PRKN: variants seen among roughly 807,000 people sequenced by gnomAD.
PRKN encodes E3 ubiquitin-protein ligase parkin.
Under a neutral mutation model 59.5 loss-of-function variants are expected in PRKN, and 56 were observed. That is an observed-to-expected ratio of 0.94 (90% CI 0.76 to 1.18). PRKN has a LOEUF of 1.18. PRKN is among the 50% of genes most tolerant of loss of function. The probability of loss-of-function intolerance (pLI) is 0.00; values close to 1 mark genes in which losing one functional copy is unlikely to be tolerated. For synonymous variants in PRKN, 250 were observed against 222.1 expected (o/e 1.13, Z -1.12); for missense variants, 657 against 596.4 (o/e 1.10, Z -1.06).
chr6:162,375,406 T>A (rs79015798), intron 2 of PRKN, among the ~76,000 whole-genome samples: 1 of 139,218 alleles, frequency 7.2e-6, no homozygotes. Context: ...TCAACTCCTG[T>A]TTTTTTTTTT....
chr6:161,364,411 T>C (rs1045052383), intron 10 of PRKN, among the ~76,000 whole-genome samples: 17 of 122,250 alleles, frequency 1.4e-4, no homozygotes, highest in African/African-American at 5.6e-4. Context: ...TGAGCCGAGA[T>C]CATACCACTA....
intron 6 of PRKN, among the ~76,000 whole-genome samples, chr6:161,889,102 A>C (rs2128231557): frequency 6.6e-6 from 1 of 152,320 alleles, no homozygotes. Context: ...AATTAAAAGA[A>C]ATAAGAGAAC....
intron 1 of PRKN, among the ~76,000 whole-genome samples, chr6:162,459,678 T>C (rs555191328): frequency 6.6e-6 from 1 of 152,198 alleles, no homozygotes; most frequent in African/African-American, 2.4e-5. Context: ...AGAGTTGTTA[T>C]AAGTATGAAA....
At chr6:162,253,056 G>C (rs1290954993) in intron 3 of PRKN, among the ~76,000 whole-genome samples, 1 of 152,328 alleles carries the variant, frequency 6.6e-6, no homozygotes, top group Admixed American at 6.5e-5. Context: ...GTGCTATTCT[G>C]GTGGCCAGGA....
At position 161,722,729 on chromosome 6, in the gene PRKN, T is replaced by C. The variant is rs557615973; in HGVS notation, c.871+63043A>G. ...ATATTTTATAATGAGATAAAAATGG[T>C]GTTTTATTCTTCTTTTAATTTGACA... On this transcript the variant is annotated intron_variant, in intron 7 of 11. Transcript: ENST00000366898. Among the ~76,000 whole-genome samples the C allele has an allele frequency of 1.4e-3, 216 of 151,716 alleles. 2 individuals are homozygous for C. The highest frequency in any genetic ancestry group is 5.1e-3 in the African/African-American group (212 of 41,512).
At chr6:161,857,808 T>C (rs1484307285) in intron 6 of PRKN, among the ~76,000 whole-genome samples, 1 of 152,228 alleles carries the variant, frequency 6.6e-6, no homozygotes. Context: ...TCACTTCCAG[T>C]GAGCTCGAGT....
At chr6:161,887,491 G>A (rs9355948) in intron 6 of PRKN, among the ~76,000 whole-genome samples, 1 of 151,914 alleles carries the variant, frequency 6.6e-6, no homozygotes, top group African/African-American at 2.4e-5. Context: ...CAGTATAAAC[G>A]TTGAAAGTAC....
chr6:161,535,987 C>G (rs1439860077), intron 9 of PRKN, among the ~76,000 whole-genome samples: 3 of 150,686 alleles, frequency 2.0e-5, no homozygotes, highest in Non-Finnish European at 4.4e-5. Flanking sequence ...ATTACAGTTA[C>G]AGTGGACACA....
intron 1 of PRKN, among the ~76,000 whole-genome samples, chr6:162,503,136 C>CTTTTTTTTT (rs10629175): frequency 0.011 from 851 of 80,802 alleles, 19 homozygotes; most frequent in African/African-American, 0.023. Flanking sequence ...GTCTTCATTT[C>CTTTTTTTTT]TTTTTTTTTT....
chr6:161,660,929 C>A (rs540042676), intron 7 of PRKN, among the ~76,000 whole-genome samples: 1 of 152,292 alleles, frequency 6.6e-6, no homozygotes, highest in South Asian at 2.1e-4. Context: ...ACCCAGTCTT[C>A]CGTGACTCAG....
At chr6:162,145,651 A>G (rs1316606728) in intron 4 of PRKN, among the ~76,000 whole-genome samples, 2 of 152,200 alleles carry the variant, frequency 1.3e-5, no homozygotes, top group African/African-American at 4.8e-5. Context: ...AGGGCCCCAG[A>G]TAACAGAATC....
intron 9 of PRKN, among the ~76,000 whole-genome samples, chr6:161,421,513 G>A (rs1045626664): frequency 6.6e-6 from 1 of 152,166 alleles, no homozygotes; most frequent in Non-Finnish European, 1.5e-5. Context: ...TGGATAGAGA[G>A]TATGTTGTAT....
At chr6:161,680,618 C>A (rs1785281649) in intron 7 of PRKN, among the ~76,000 whole-genome samples, 1 of 150,780 alleles carries the variant, frequency 6.6e-6, no homozygotes, top group African/African-American at 2.4e-5. Flanking sequence ...GGAGAGCCAC[C>A]TTTTGAGAAG....
chr6:162,599,106 T>G (rs1781600628), intron 1 of PRKN, among the ~76,000 whole-genome samples: 1 of 152,150 alleles, frequency 6.6e-6, no homozygotes. Context: ...TCTGGACATA[T>G]GATCAATTAA....
intron 1 of PRKN, among the ~76,000 whole-genome samples, chr6:162,658,855 A>G (rs1301320368): frequency 6.6e-6 from 1 of 152,136 alleles, no homozygotes; most frequent in East Asian, 1.9e-4. Context: ...TATATTTTAA[A>G]GATATTTAAG....
intron 1 of PRKN, among the ~76,000 whole-genome samples, chr6:162,596,146 TA>T (rs1254487603): frequency 5.3e-5 from 8 of 152,162 alleles, no homozygotes; most frequent in African/African-American, 1.9e-4. Flanking sequence ...AACCCCCTTT[TA>T]AAAATATGTG....
At chr6:161,733,787 T>TATATATATATATATATAC (rs1562641719) in intron 7 of PRKN, among the ~76,000 whole-genome samples, 1 of 80,416 alleles carries the variant, frequency 1.2e-5, no homozygotes, top group African/African-American at 6.9e-5. Flanking sequence ...AAAAAAAATA[T>TATATATATATATATATAC]ATATATATAT....
chr6:162,509,883 G>A (rs1030086665), intron 1 of PRKN, among the ~76,000 whole-genome samples: 2 of 152,128 alleles, frequency 1.3e-5, no homozygotes, highest in African/African-American at 4.8e-5. Flanking sequence ...TCCTGCTTGC[G>A]TGAACTATCC....
chr6:161,989,040 TA>T (rs1161916470), intron 5 of PRKN, among the ~76,000 whole-genome samples: 2 of 152,202 alleles, frequency 1.3e-5, no homozygotes, highest in Non-Finnish European at 2.9e-5. Context: ...CTGCACCCAT[TA>T]ACTCATCATT....
Sources: allele counts gnomAD v4.1 joint callset (sites outside exome capture counted in the v4.1 genomes callset), GRCh38; gene constraint gnomAD v4.1.1; transcripts MANE v1.5; gene names NCBI Gene and HGNC (gene_info 2026-07-23, HGNC 2026-07-21).